The following BICC1 variants were observed in gnomAD, a reference collection of about 807,000 sequenced individuals.
BICC1 encodes protein bicaudal C homolog 1.
BICC1 carries 43 observed loss-of-function variants against 111.0 expected under a neutral mutation model. That is an observed-to-expected ratio of 0.39 (90% CI 0.30 to 0.50). The LOEUF is 0.50. Ranked by LOEUF, BICC1 falls within the 20% of genes least tolerant of loss-of-function variation. BICC1 has a pLI of 0.88. For missense variants in BICC1, 1,091 were observed against 1,203.2 expected, an observed-to-expected ratio of 0.91 and a Z score of 1.38; for synonymous variants, 467 against 434.4, an observed-to-expected ratio of 1.07 and a Z score of -0.93.
intron 2 of BICC1, among the ~76,000 whole-genome samples, chr10:58,675,622 G>C (rs906377175): frequency 6.6e-6 from 1 of 152,110 alleles, no homozygotes; most frequent in Admixed American, 6.5e-5. Flanking sequence ...TGGAGGAAAC[G>C]GTGAAATTTG....
chr10:58,698,079 A>T (rs1008021730), intron 2 of BICC1, among the ~76,000 whole-genome samples: 6 of 152,196 alleles, frequency 3.9e-5, no homozygotes, highest in Non-Finnish European at 8.8e-5. Flanking sequence ...CATCCTAAGG[A>T]AAATTTTGAC....
At chr10:58,806,871 G>T in intron 16 of BICC1, 133 bp from the exon 17 acceptor site, 1 of 857,054 alleles carries the variant, frequency 1.2e-6, no homozygotes, top group Admixed American at 3.0e-5. Context: ...GATATTTTTA[G>T]ACATTTTGTG....
At chr10:58,764,023 G>C (rs1366113022) in intron 3 of BICC1, among the ~76,000 whole-genome samples, 3 of 152,104 alleles carry the variant, frequency 2.0e-5, no homozygotes, top group Non-Finnish European at 4.4e-5. Context: ...AGTGGTGTTT[G>C]GGGGCCCTCA....
At chr10:58,779,571 A>G (rs1842831176) in intron 3 of BICC1, among the ~76,000 whole-genome samples, 1 of 152,222 alleles carries the variant, frequency 6.6e-6, no homozygotes, top group Non-Finnish European at 1.5e-5. Context: ...TTTTATACCA[A>G]AGAAATTTGC....
chr10:58,703,324 T>C (rs1209759052), intron 3 of BICC1, among the ~76,000 whole-genome samples: 1 of 151,572 alleles, frequency 6.6e-6, no homozygotes, highest in Non-Finnish European at 1.5e-5. Flanking sequence ...CATGCTTGGG[T>C]AATGTTTGCA....
At chr10:58,528,091 A>G (rs1260971982) in intron 1 of BICC1, among the ~76,000 whole-genome samples, 1 of 151,980 alleles carries the variant, frequency 6.6e-6, no homozygotes, top group Non-Finnish European at 1.5e-5. Context: ...TGTTTATAGA[A>G]TAAATGACCC....
At chr10:58,600,061 C>T (rs983304492) in intron 1 of BICC1, among the ~76,000 whole-genome samples, 2 of 152,030 alleles carry the variant, frequency 1.3e-5, no homozygotes, top group Admixed American at 1.3e-4. Flanking sequence ...CTGATGCTCA[C>T]GTTCTCGTTT....
chr10:58,738,218 T>C (rs557321177), intron 3 of BICC1, among the ~76,000 whole-genome samples: 1 of 152,330 alleles, frequency 6.6e-6, no homozygotes, highest in South Asian at 2.1e-4. Flanking sequence ...TTTTATGGTT[T>C]TAGGTCTAAC....
intron 17 of BICC1, among the ~76,000 whole-genome samples, chr10:58,811,730 GTC>G (rs527722710): frequency 5.5e-4 from 83 of 152,288 alleles, no homozygotes; most frequent in African/African-American, 1.9e-3. Flanking sequence ...AGTAACAAGA[GTC>G]TCTGTTACAT....
Position 58,788,542 on chromosome 10 carries a change from G to A in BICC1, c.600+119G>A. The stretch of plus-strand genomic sequence containing the variant: ...AATCATGTTCAATCAGTAGGAAATA[G>A]TGGCAAAAGTTATTTTAGTGTCTAT... On this transcript the variant is annotated intron_variant, in intron 6 of 20. Coordinates refer to ENST00000373886, the MANE Select transcript of BICC1 (RefSeq NM_001080512.3). 4 of 638,684 alleles carry A rather than the reference G, an allele frequency of 6.3e-6. No homozygotes were observed. In the South Asian group the frequency reaches 9.4e-5, roughly 15 times the overall value. The allele number at this position is 638,684 out of a possible 1,614,324, so 39.6% of individuals were successfully genotyped here. A position where few individuals can be genotyped will look rare whatever the true frequency, so the allele number is the denominator to read the frequency against.
intron 3 of BICC1, among the ~76,000 whole-genome samples, chr10:58,716,975 C>G (rs1239193125): frequency 6.8e-6 from 1 of 147,668 alleles, no homozygotes; most frequent in African/African-American, 2.7e-5. Flanking sequence ...GAGAAACAGC[C>G]ATTTGCAGCA....
chr10:58,573,250 A>G (rs915421012), intron 1 of BICC1, among the ~76,000 whole-genome samples: 72 of 152,162 alleles, frequency 4.7e-4, no homozygotes, highest in African/African-American at 1.7e-3. Flanking sequence ...TAAGTGGTCA[A>G]TGAATGTTTC....
intron 1 of BICC1, among the ~76,000 whole-genome samples, chr10:58,554,698 T>C (rs967710462): frequency 6.6e-6 from 1 of 152,020 alleles, no homozygotes; most frequent in Admixed American, 6.6e-5. Flanking sequence ...AATATACACA[T>C]TCATTATGGC....
chr10:58,572,673 A>G (rs1176662095), intron 1 of BICC1, among the ~76,000 whole-genome samples: 3 of 152,140 alleles, frequency 2.0e-5, no homozygotes, highest in Admixed American at 6.6e-5. Flanking sequence ...TCTGTCATCT[A>G]TATCTATGTC....
intron 9 of BICC1, among the ~76,000 whole-genome samples, chr10:58,794,964 G>A (rs1194610368): frequency 1.3e-5 from 2 of 152,182 alleles, no homozygotes; most frequent in Non-Finnish European, 2.9e-5. Context: ...ATCGTAGTAT[G>A]TAGTCAATGG....
rs201611228 is a variant in BICC1, at chr10:58,718,475, CT to C, written c.307+16340del. ...CATTCAGACTGTAGCACTTGTTCAT[CT>C]TTTTTTTCCTGGTAAAATTAGACTT... On this transcript the variant is annotated intron_variant, in intron 3 of 20. Coordinates refer to ENST00000373886, the MANE Select transcript of BICC1 (RefSeq NM_001080512.3). Among the ~76,000 whole-genome samples the C allele has an allele frequency of 5.2e-4, 79 of 152,088 alleles. 1 individual carries two copies. In the East Asian group the frequency reaches 0.013, roughly 24 times the overall value.
chr10:58,807,752 A>G (rs1843754710), intron 17 of BICC1, among the ~76,000 whole-genome samples: 1 of 152,310 alleles, frequency 6.6e-6, no homozygotes, highest in South Asian at 2.1e-4. Context: ...CAGCCAGGCT[A>G]CACGCGATTC....
intron 1 of BICC1, among the ~76,000 whole-genome samples, chr10:58,614,206 C>G (rs1367726498): frequency 6.6e-6 from 1 of 152,106 alleles, no homozygotes; most frequent in East Asian, 1.9e-4. Context: ...CTCTCATGGC[C>G]TTTGTTAGCT....
At chr10:58,795,624 C>G (rs1843328313) in intron 9 of BICC1, among the ~76,000 whole-genome samples, 1 of 151,838 alleles carries the variant, frequency 6.6e-6, no homozygotes, top group Non-Finnish European at 1.5e-5. Flanking sequence ...ATTCTAACTA[C>G]TGCTTTAACT....
Sources: gnomAD v4.1 joint callset for allele counts (sites outside exome capture counted in the v4.1 genomes callset) on GRCh38, gnomAD v4.1.1 for gene constraint, MANE v1.5 for transcripts, NCBI Gene and HGNC (gene_info 2026-07-23, HGNC 2026-07-21) for gene names.